CLASP1: variants seen among roughly 807,000 people sequenced by gnomAD.
CLASP1 encodes cytoplasmic linker associated protein 1, also known as CLIP-associating protein 1.
A neutral mutation model predicts 192.3 loss-of-function variants in CLASP1; 38 were observed. That is an observed-to-expected ratio of 0.20 (90% CI 0.15 to 0.26). CLASP1 has a LOEUF of 0.26. CLASP1 is among the 10% of genes least tolerant of loss of function. The pLI is 1.00. For synonymous variants in CLASP1, 691 were observed against 712.8 expected, an observed-to-expected ratio of 0.97 and a Z score of 0.49; for missense variants, 1,433 against 1,932.5, an observed-to-expected ratio of 0.74 and a Z score of 4.85.
chr2:121,569,225 A>G (rs1275041411), intron 2 of CLASP1, among the ~76,000 whole-genome samples: 1 of 152,204 alleles, frequency 6.6e-6, no homozygotes, highest in Non-Finnish European at 1.5e-5. Flanking sequence ...GGTAGAGACT[A>G]TTTTAGCTAG....
chr2:121,541,750 G>A (rs1032090798), intron 2 of CLASP1, among the ~76,000 whole-genome samples: 10 of 152,106 alleles, frequency 6.6e-5, no homozygotes, highest in Admixed American at 5.2e-4. Flanking sequence ...CTCCATCTCC[G>A]AGCTTCAAAT....
chr2:121,497,667 C>G (rs1422035197), intron 8 of CLASP1, among the ~76,000 whole-genome samples: 1 of 152,134 alleles, frequency 6.6e-6, no homozygotes, highest in Non-Finnish European at 1.5e-5. Context: ...CAAGAAGGTG[C>G]AGCCCAAAAA....
chr2:121,574,262 A>G (rs1312466472), intron 2 of CLASP1, among the ~76,000 whole-genome samples: 2 of 151,176 alleles, frequency 1.3e-5, no homozygotes, highest in African/African-American at 4.9e-5. Flanking sequence ...CAGGAGGCAG[A>G]GCTTGCAGTG....
At chr2:121,419,238 C>T (rs999908769) in intron 22 of CLASP1, among the ~76,000 whole-genome samples, 1 of 152,150 alleles carries the variant, frequency 6.6e-6, no homozygotes, top group African/African-American at 2.4e-5. Flanking sequence ...GCTCACTGCT[C>T]CCAGGCTGGC....
chr2:121,477,293 T>A (rs2091750727), intron 8 of CLASP1, among the ~76,000 whole-genome samples: 1 of 152,212 alleles, frequency 6.6e-6, no homozygotes. Flanking sequence ...TATATCTTTT[T>A]TAGAAGCTTT....
chr2:121,597,294 C>A (rs1041626484), intron 2 of CLASP1, among the ~76,000 whole-genome samples: 35 of 152,176 alleles, frequency 2.3e-4, no homozygotes, highest in African/African-American at 8.2e-4. Context: ...ATATTTAGCA[C>A]AATTTCTGGC....
chr2:121,487,394 A>C (rs1050146783), intron 8 of CLASP1, among the ~76,000 whole-genome samples: 1 of 152,104 alleles, frequency 6.6e-6, no homozygotes, highest in African/African-American at 2.4e-5. Context: ...AAAGCACATA[A>C]CCCAACACGC....
chr2:121,525,715 T>C, intron 6 of CLASP1, 130 bp downstream of exon 6: 1 of 658,830 alleles, frequency 1.5e-6, no homozygotes, highest in Non-Finnish European at 2.7e-6. Context: ...TAATGGGTAC[T>C]GGATCTCTTA....
intron 19 of CLASP1, among the ~76,000 whole-genome samples, chr2:121,445,214 T>C (rs1293081193): frequency 6.6e-6 from 1 of 152,082 alleles, no homozygotes; most frequent in East Asian, 1.9e-4. Context: ...CAACCCAGGG[T>C]AGTGCCACAG....
chr2:121,608,422 T>C (rs534003951), intron 1 of CLASP1, among the ~76,000 whole-genome samples: 3 of 152,288 alleles, frequency 2.0e-5, no homozygotes, highest in Admixed American at 1.3e-4. Flanking sequence ...AAGCAAAGAC[T>C]TGCTATACAA....
At chr2:121,460,114 A>T (rs1233506613) in exon 12 of CLASP1, 3 of 1,611,350 alleles carry the variant, frequency 1.9e-6, no homozygotes, top group Non-Finnish European at 2.5e-6. Context: ...GTAAAGATCT[A>T]ATCTTTTTTA....
chr2:121,615,264 G>A lies in CLASP1; in HGVS notation c.-285-9084C>T, dbSNP rs142402888. Reference sequence around the variant, plus strand: ...TGAGGAAGGAGAATCGCTTGGACCCGGGAGGTGGAGGTTGCAGCGAGCCAA... The same window carrying A: ...TGAGGAAGGAGAATCGCTTGGACCCAGGAGGTGGAGGTTGCAGCGAGCCAA... On this transcript the variant is annotated intron_variant, in intron 1 of 39. Coordinates refer to ENST00000263710, the Ensembl canonical transcript of CLASP1. Among the ~76,000 whole-genome samples the A allele has an allele frequency of 1.8e-4, 27 of 152,202 alleles. No individual in the cohort carries two copies. In the East Asian group the frequency reaches 4.5e-3, roughly 25 times the overall value.
chr2:121,559,275 G>T (rs1367778776), intron 2 of CLASP1, among the ~76,000 whole-genome samples: 1 of 152,130 alleles, frequency 6.6e-6, no homozygotes, highest in Non-Finnish European at 1.5e-5. Flanking sequence ...AGCCACTCTG[G>T]AAAACAATCT....
At chr2:121,344,781 G>A (rs1159140293) in intron 39 of CLASP1, among the ~76,000 whole-genome samples, 1 of 152,178 alleles carries the variant, frequency 6.6e-6, no homozygotes, top group Non-Finnish European at 1.5e-5. Flanking sequence ...CTACCATCTG[G>A]TTGAGGAAGG....
intron 19 of CLASP1, among the ~76,000 whole-genome samples, chr2:121,441,657 T>C (rs1386163505): frequency 6.6e-6 from 1 of 151,876 alleles, no homozygotes; most frequent in Admixed American, 6.6e-5. Flanking sequence ...GGCAGGAGGA[T>C]CACTTGAGCC....
At chr2:121,585,434 T>G (rs1166181492) in intron 2 of CLASP1, among the ~76,000 whole-genome samples, 1 of 152,116 alleles carries the variant, frequency 6.6e-6, no homozygotes, top group Non-Finnish European at 1.5e-5. Context: ...CGAAGTGAGA[T>G]TTAGAACACA....
At chr2:121,452,400 T>C (rs1275793308) in intron 14 of CLASP1, among the ~76,000 whole-genome samples, 2 of 152,162 alleles carry the variant, frequency 1.3e-5, no homozygotes, top group Non-Finnish European at 2.9e-5. Flanking sequence ...AGCATCCTTC[T>C]ATTTAAGCCT....
At chr2:121,562,376 A>T (rs777316927) in intron 2 of CLASP1, among the ~76,000 whole-genome samples, 43 of 152,254 alleles carry the variant, frequency 2.8e-4, no homozygotes, top group Admixed American at 5.9e-4. Context: ...GTGGCCTAGC[A>T]CAAGGCATTC....
At chr2:121,512,801 C>T (rs1168844284) in intron 7 of CLASP1, among the ~76,000 whole-genome samples, 1 of 152,210 alleles carries the variant, frequency 6.6e-6, no homozygotes, top group Non-Finnish European at 1.5e-5. Flanking sequence ...GCATTTTCCT[C>T]ACCACGTATT....
Sources: allele counts gnomAD v4.1 joint callset (sites outside exome capture counted in the v4.1 genomes callset), GRCh38; gene constraint gnomAD v4.1.1; transcripts MANE v1.5; gene names NCBI Gene and HGNC (gene_info 2026-07-23, HGNC 2026-07-21).